Variants in SNX13 observed in about 807,000 individuals in gnomAD.
The protein encoded by SNX13 is sorting nexin-13.
SNX13 carries 45 observed loss-of-function variants against 133.6 expected under a neutral mutation model. The observed-to-expected ratio is 0.34, with a 90% CI of 0.27 to 0.43. The LOEUF (loss-of-function observed/expected upper bound fraction) is 0.43. Among genes scored for constraint, SNX13 ranks in the 20% least tolerant of loss-of-function variants. SNX13 has a pLI of 1.00. For missense variants in SNX13, 1,032 were observed against 1,145.1 expected, an observed-to-expected ratio of 0.90 and a Z score of 1.43; for synonymous variants, 414 against 373.9, an observed-to-expected ratio of 1.11 and a Z score of -1.24.
intron 5 of SNX13, chr7:17,888,776 C>A (rs1796291807): frequency 6.4e-6 from 3 of 469,750 alleles, no homozygotes; most frequent in Non-Finnish European, 1.3e-5. Flanking sequence ...GAATTTTGAT[C>A]CTGACAATTA....
intron 5 of SNX13, 132 bp downstream of exon 5, chr7:17,890,231 T>C (rs1796480199): frequency 1.3e-6 from 1 of 767,496 alleles, no homozygotes; most frequent in Non-Finnish European, 1.9e-6. Flanking sequence ...AATCTTGGAG[T>C]TATCCCACAG....
chr7:17,869,074 GTTGT>G (rs1793739758), intron 8 of SNX13, among the ~76,000 whole-genome samples: 8 of 151,996 alleles, frequency 5.3e-5, no homozygotes, highest in Admixed American at 5.2e-4. Flanking sequence ...ATTCTTTGCA[GTTGT>G]TTATGTTCCT....
At chr7:17,823,228 CTATACT>C (rs377116092) in intron 17 of SNX13, among the ~76,000 whole-genome samples, 4 of 152,120 alleles carry the variant, frequency 2.6e-5, no homozygotes, top group African/African-American at 7.2e-5. Context: ...TCCCCTTCAG[CTATACT>C]TATAATATTG....
intron 9 of SNX13, among the ~76,000 whole-genome samples, chr7:17,856,785 TAA>T (rs200753998): frequency 1.2e-3 from 114 of 97,548 alleles, no homozygotes; most frequent in Non-Finnish European, 1.3e-3. Context: ...GAGACTCTCT[TAA>T]AAAAAAAAAA....
chr7:17,904,455 G>T (rs570725668), intron 1 of SNX13, among the ~76,000 whole-genome samples: 1 of 152,238 alleles, frequency 6.6e-6, no homozygotes, highest in South Asian at 2.1e-4. Context: ...GCTTAATTCA[G>T]CTAATTCAGG....
intron 11 of SNX13, among the ~76,000 whole-genome samples, chr7:17,848,642 C>T (rs1007500264): frequency 1.3e-5 from 2 of 152,230 alleles, no homozygotes; most frequent in East Asian, 3.9e-4. Context: ...CCTCCACCCA[C>T]TCACCTGGGT....
At chr7:17,912,426 T>TTG (rs398111116) in intron 1 of SNX13, among the ~76,000 whole-genome samples, 1 of 151,598 alleles carries the variant, frequency 6.6e-6, no homozygotes, top group African/African-American at 2.4e-5. Context: ...TTTTTTTTTT[T>TTG]GGAAATGGAG....
chr7:17,913,184 T>C (rs1799184004), intron 1 of SNX13, among the ~76,000 whole-genome samples: 1 of 151,908 alleles, frequency 6.6e-6, no homozygotes, highest in Non-Finnish European at 1.5e-5. Context: ...CCACCTTGGG[T>C]CAAAGGAAAC....
intron 9 of SNX13, among the ~76,000 whole-genome samples, chr7:17,864,548 G>A (rs1793127676): frequency 6.6e-6 from 1 of 152,042 alleles, no homozygotes. Flanking sequence ...CGATTTATTG[G>A]CCTTAAAGAG....
intron 9 of SNX13, among the ~76,000 whole-genome samples, chr7:17,855,310 G>A (rs2177652): frequency 0.35 from 52,898 of 152,048 alleles, 11,159 homozygotes; most frequent in Non-Finnish European, 0.45. Flanking sequence ...GAAGCTATAC[G>A]GCAAGTCATC....
intron 5 of SNX13, among the ~76,000 whole-genome samples, chr7:17,878,249 G>A (rs1313722006): frequency 2.6e-5 from 4 of 151,872 alleles, no homozygotes; most frequent in African/African-American, 9.7e-5. Flanking sequence ...AAACAACCGG[G>A]CTATTACATA....
Position 17,875,466 on chromosome 7 carries a change from A to G in SNX13, c.664+14T>C. The G allele has an allele frequency of 6.2e-7, 1 of 1,601,052 alleles. No individual in the cohort carries two copies. Among genetic ancestry groups the G allele is most frequent in the South Asian group, 1.1e-5 (1 of 88,654 alleles). ...CCAGCTACTATTGTCAAAAAAGTTA[A>G]ATTAAAAGAAAACCTTCTTCATCTT... On this transcript the variant is annotated intron_variant, in intron 7 of 25. Transcript: ENST00000428135.
intron 1 of SNX13, among the ~76,000 whole-genome samples, chr7:17,936,381 T>C (rs1015783424): frequency 6.6e-6 from 1 of 152,212 alleles, no homozygotes; most frequent in African/African-American, 2.4e-5. Context: ...AAGCAACAAA[T>C]CTGGATGGAA....
intron 9 of SNX13, among the ~76,000 whole-genome samples, chr7:17,863,013 G>A (rs1054584214): frequency 1.3e-5 from 2 of 152,142 alleles, no homozygotes; most frequent in Non-Finnish European, 2.9e-5. Context: ...CACAGAAAGA[G>A]AATCTGTGGG....
At chr7:17,802,088 G>A (rs368527431) in intron 21 of SNX13, among the ~76,000 whole-genome samples, 98 of 152,122 alleles carry the variant, frequency 6.4e-4, no homozygotes, top group African/African-American at 2.2e-3. Flanking sequence ...GTACCATTGT[G>A]TTAAAATGCC....
intron 5 of SNX13, among the ~76,000 whole-genome samples, chr7:17,884,726 T>G (rs1476048982): frequency 1.3e-5 from 2 of 152,160 alleles, no homozygotes; most frequent in Non-Finnish European, 2.9e-5. Context: ...ACAAATCACA[T>G]ATCTATAGAA....
intron 13 of SNX13, among the ~76,000 whole-genome samples, chr7:17,835,567 C>G (rs1789039357): frequency 6.6e-6 from 1 of 151,948 alleles, no homozygotes; most frequent in East Asian, 1.9e-4. Context: ...AAAAGCTAGA[C>G]ATGTCAACAG....
At chr7:17,801,564 C>CT in intron 22 of SNX13, 24 bp downstream of exon 22, 1 of 1,579,392 alleles carries the variant, frequency 6.3e-7, no homozygotes, top group South Asian at 1.2e-5. Flanking sequence ...AAACTAAATA[C>CT]TACCAAGAAT....
At position 17,894,264 on chromosome 7, in the gene SNX13, C is replaced by G. The variant is rs192130889; in HGVS notation, c.126-830G>C. On this transcript the variant is annotated intron_variant, in intron 2 of 25. Transcript: ENST00000428135. ...GATGCAGTGAGCCGAGATCGCGCCA[C>G]TGCACTCTAGCGACAGAGTAAGACT... 2.7e-3 allele frequency among the ~76,000 whole-genome samples: 417 copies of G among 151,812 alleles called. 11 individuals carry two copies. Among genetic ancestry groups the G allele is most frequent in the Admixed American group, 0.025 (381 of 15,238 alleles).
Sources: gnomAD v4.1 joint callset for allele counts (sites outside exome capture counted in the v4.1 genomes callset) on GRCh38, gnomAD v4.1.1 for gene constraint, MANE v1.5 for transcripts, NCBI Gene and HGNC (gene_info 2026-07-23, HGNC 2026-07-21) for gene names.